Variants in GAREM1 observed in about 807,000 individuals in gnomAD.
The protein encoded by GAREM1 is GRB2 associated regulator of MAPK1 subtype 1.
A neutral mutation model predicts 71.3 loss-of-function variants in GAREM1; 26 were observed. The observed-to-expected ratio is 0.36, with a 90% confidence interval of 0.27 to 0.51. The LOEUF (loss-of-function observed/expected upper bound fraction) is 0.51. GAREM1 is among the 20% of genes least tolerant of loss of function. GAREM1 has a pLI of 0.95. For synonymous variants in GAREM1, 440 were observed against 433.2 expected (o/e 1.02, Z -0.20); for missense variants, 1,026 against 1,103.1 (o/e 0.93, Z 0.99).
chr18:32,330,271 T>A (rs1280504188), intron 2 of GAREM1, among the ~76,000 whole-genome samples: 1 of 152,236 alleles, frequency 6.6e-6, no homozygotes, highest in South Asian at 2.1e-4. Context: ...AACCAAATGC[T>A]GTATGTTCTC....
At chr18:32,464,937 G>T (rs576757742) in intron 1 of GAREM1, among the ~76,000 whole-genome samples, 1 of 152,322 alleles carries the variant, frequency 6.6e-6, no homozygotes, top group African/African-American at 2.4e-5. Context: ...GCTTAGTTAA[G>T]TGTTAGTTGA....
At chr18:32,294,157 T>C (rs1229239333) in intron 3 of GAREM1, among the ~76,000 whole-genome samples, 1 of 152,214 alleles carries the variant, frequency 6.6e-6, no homozygotes, top group Non-Finnish European at 1.5e-5. Flanking sequence ...CTAATATTCC[T>C]GAATATACTG....
intron 4 of GAREM1, among the ~76,000 whole-genome samples, chr18:32,270,785 T>C (rs73956849): frequency 2.4e-3 from 366 of 152,272 alleles, no homozygotes; most frequent in African/African-American, 7.8e-3. Context: ...TCATCTCTTC[T>C]ATTAGGTTGT....
At chr18:32,374,201 G>C (rs1384983363) in intron 2 of GAREM1, among the ~76,000 whole-genome samples, 1 of 152,222 alleles carries the variant, frequency 6.6e-6, no homozygotes, top group African/African-American at 2.4e-5. Context: ...CTCTGCTAAA[G>C]GCAAAATGAG....
intron 2 of GAREM1, among the ~76,000 whole-genome samples, chr18:32,338,929 C>G (rs180806854): frequency 6.6e-6 from 1 of 152,248 alleles, no homozygotes; most frequent in Admixed American, 6.5e-5. Context: ...GTGCGAGGGG[C>G]TCATCCAACC....
intron 2 of GAREM1, among the ~76,000 whole-genome samples, chr18:32,371,708 C>T (rs545321474): frequency 1.3e-5 from 2 of 152,034 alleles, no homozygotes; most frequent in South Asian, 2.1e-4. Flanking sequence ...CAGGATGGTA[C>T]TCTGGATGAT....
intron 1 of GAREM1, among the ~76,000 whole-genome samples, chr18:32,408,224 G>A (rs77416030): frequency 9.2e-5 from 14 of 151,844 alleles, no homozygotes; most frequent in Admixed American, 2.0e-4. Context: ...GATTACTTCC[G>A]AAAGCCAAGA....
intron 2 of GAREM1, among the ~76,000 whole-genome samples, chr18:32,386,038 T>C (rs573663390): frequency 2.6e-5 from 4 of 152,334 alleles, no homozygotes; most frequent in East Asian, 3.9e-4. Flanking sequence ...CATTTCTTAA[T>C]GGCAAAAAAT....
At chr18:32,441,328 A>G (rs1404349812) in intron 1 of GAREM1, among the ~76,000 whole-genome samples, 3 of 151,356 alleles carry the variant, frequency 2.0e-5, no homozygotes, top group African/African-American at 4.9e-5. Context: ...AACGTCTAGC[A>G]TAAAATGGGA....
intron 1 of GAREM1, among the ~76,000 whole-genome samples, chr18:32,401,762 G>T (rs1229871510): frequency 6.6e-6 from 1 of 152,150 alleles, no homozygotes; most frequent in Non-Finnish European, 1.5e-5. Context: ...GTTGTTTTCC[G>T]CAACTAAATT....
At chr18:32,283,213 T>C (rs1237218418) in intron 4 of GAREM1, among the ~76,000 whole-genome samples, 1 of 152,214 alleles carries the variant, frequency 6.6e-6, no homozygotes, top group Admixed American at 6.5e-5. Flanking sequence ...CGGCCTCTCA[T>C]ATTCCAGAGA....
At chr18:32,342,013 A>G (rs933244863) in intron 2 of GAREM1, among the ~76,000 whole-genome samples, 1 of 152,104 alleles carries the variant, frequency 6.6e-6, no homozygotes, top group African/African-American at 2.4e-5. Flanking sequence ...GCCACCAAAA[A>G]AGAAAAAAAA....
At chr18:32,372,254 AAT>A (rs2047987655) in intron 2 of GAREM1, among the ~76,000 whole-genome samples, 1 of 152,212 alleles carries the variant, frequency 6.6e-6, no homozygotes, top group Non-Finnish European at 1.5e-5. Context: ...AGGCAAATTA[AAT>A]ATTTACCCCA....
At chr18:32,295,038 T>C (rs2047126698) in intron 3 of GAREM1, among the ~76,000 whole-genome samples, 1 of 152,096 alleles carries the variant, frequency 6.6e-6, no homozygotes, top group African/African-American at 2.4e-5. Context: ...CCAATTAAGA[T>C]GGTCATATGT....
chr18:32,309,717 A>G (rs1156274160), intron 3 of GAREM1, among the ~76,000 whole-genome samples: 1 of 151,650 alleles, frequency 6.6e-6, no homozygotes, highest in East Asian at 1.9e-4. Flanking sequence ...CTCTATATAT[A>G]GTGAAATAGA....
At chr18:32,448,147 T>C (rs975394305) in intron 1 of GAREM1, among the ~76,000 whole-genome samples, 6 of 152,308 alleles carry the variant, frequency 3.9e-5, no homozygotes, top group African/African-American at 1.2e-4. Context: ...CAAAGTACTA[T>C]TAAGGACTCA....
chr18:32,274,302 T>G (rs76150060), intron 4 of GAREM1, among the ~76,000 whole-genome samples: 3,550 of 152,294 alleles, frequency 0.023, 61 homozygotes, highest in Non-Finnish European at 0.025. Flanking sequence ...GCTTCTTGAT[T>G]TGATTCATGC....
Position 32,273,841 on chromosome 18 carries a change from G to A in GAREM1, c.1567-3458C>T, listed in dbSNP as rs114498375. 1.3e-3 allele frequency among the ~76,000 whole-genome samples: 200 copies of A among 152,322 alleles called. 1 individual carries two copies. Among genetic ancestry groups the A allele is most frequent in the African/African-American group, 4.1e-3 (171 of 41,562 alleles). On this transcript the variant is annotated intron_variant, in intron 4 of 5. Coordinates refer to ENST00000269209, the MANE Select transcript of GAREM1 (RefSeq NM_001242409.2). ...CAGGGATTTTTTTCTGTTGTGATGG[G>A]AGGGCAGTCTGGGTGTTGTTATGTG...
At position 32,264,311 on chromosome 18, in the gene GAREM1, G is replaced by A. The variant is rs185715238; in HGVS notation, c.*3560C>T. 9 of 152,208 alleles carry A rather than the reference G, an allele frequency of 5.9e-5. No individual in the cohort carries two copies. In the East Asian group the frequency reaches 1.7e-3, roughly 29 times the overall value. 9.4% of individuals were successfully genotyped at this position (152,208 alleles called of 1,614,324 possible). ...AATTAAAATTTCCTTTGAACAGTTC[G>A]CTAGGTTCTTTGAAGGATTATTTGT... On this transcript the variant is annotated 3_prime_UTR_variant, in exon 6 of 6. Transcript: ENST00000269209.
Sources: gnomAD v4.1 joint callset for allele counts (sites outside exome capture counted in the v4.1 genomes callset) on GRCh38, gnomAD v4.1.1 for gene constraint, MANE v1.5 for transcripts, NCBI Gene and HGNC (gene_info 2026-07-23, HGNC 2026-07-21) for gene names.